TECTA: variants seen among roughly 807,000 people sequenced by gnomAD.
The protein encoded by TECTA is tectorin alpha.
In TECTA, 128 loss-of-function variants were observed where a neutral mutation model predicts 216.8. That is an observed-to-expected ratio of 0.59 (90% CI 0.51 to 0.68). The LOEUF (loss-of-function observed/expected upper bound fraction) is 0.68. Among genes scored for constraint, TECTA ranks in the 30% least tolerant of loss-of-function variants. The probability of loss-of-function intolerance (pLI) is 0.00; values close to 1 mark genes in which losing one functional copy is unlikely to be tolerated. For synonymous variants in TECTA, 1,089 were observed against 1,117.1 expected (o/e 0.97, Z 0.50); for missense variants, 2,551 against 2,786.2 (o/e 0.92, Z 1.90).
chr11:121,118,263 G>T (rs1486499383), intron 6 of TECTA, 43 bp from the exon 7 acceptor site: 1 of 1,611,112 alleles, frequency 6.2e-7, no homozygotes, highest in African/African-American at 1.3e-5. Flanking sequence ...GCACAGAGGG[G>T]AAATGCTCAG....
At chr11:121,152,348 G>C (rs1386403628) in intron 12 of TECTA, among the ~76,000 whole-genome samples, 3 of 152,238 alleles carry the variant, frequency 2.0e-5, no homozygotes, top group South Asian at 4.1e-4. Flanking sequence ...TTAGAAAAAC[G>C]TTCTGTAGAA....
chr11:121,164,266 A>G (rs1009289908), intron 16 of TECTA, among the ~76,000 whole-genome samples: 4 of 152,220 alleles, frequency 2.6e-5, no homozygotes, highest in African/African-American at 9.6e-5. Flanking sequence ...GATGTTCAGT[A>G]GATCTCTTGA....
intron 15 of TECTA, 76 bp from the exon 16 acceptor site, chr11:121,161,999 C>A (rs1190771447): frequency 5.6e-6 from 9 of 1,599,116 alleles, no homozygotes; most frequent in Middle Eastern, 2.2e-4. Context: ...TCAGGGGTAG[C>A]AAAACAGGTA....
At chr11:121,126,829 G>A (rs903161763) in intron 8 of TECTA, among the ~76,000 whole-genome samples, 16 of 152,208 alleles carry the variant, frequency 1.1e-4, no homozygotes, top group African/African-American at 3.4e-4. Context: ...TATGACCAGA[G>A]CATCCATATT....
At chr11:121,157,044 G>A (rs1029230049) in intron 13 of TECTA, among the ~76,000 whole-genome samples, 19 of 152,180 alleles carry the variant, frequency 1.2e-4, no homozygotes, top group African/African-American at 4.3e-4. Context: ...GGTGAGGATT[G>A]TGAAATGTGA....
Position 121,168,934 on chromosome 11 carries a change from C to T in TECTA, c.5999+9C>T, listed in dbSNP as rs1947084040. 4 of 1,613,912 alleles carry T rather than the reference C, an allele frequency of 2.5e-6. No individual in the cohort carries two copies. The East Asian group carries it at 8.9e-5, about 36-fold the overall frequency. ...TTCATCATTGAAGGAGGGTGAGTAG[C>T]CTCTTTATAGACAACATTCTCAGAG... On this transcript the variant is annotated intron_variant, in intron 20 of 23. Coordinates refer to ENST00000392793, the MANE Select transcript of TECTA (RefSeq NM_005422.4).
chr11:121,125,730 T>G lies in TECTA; in HGVS notation c.1632T>G (p.Thr544=). 6.2e-7 allele frequency: 1 copy of G among 1,613,590 alleles called. No homozygotes were observed. The highest frequency in any genetic ancestry group is 1.1e-5 in the South Asian group (1 of 91,088). ...AGTGTGGCACTGTCGTGGACCCCAC[T>G]GCTTTTGTGCACAGCTGCGTGTATG... The part of the protein sequence containing the change: ...LWECGTVVDP[T]AFVHSCVYDL... Residue 544 remains threonine (T), a synonymous_variant, in exon 8 of 24, where the codon ACT becomes ACG. Coordinates refer to ENST00000392793, the MANE Select transcript of TECTA (RefSeq NM_005422.4).
rs1946829996 is a variant in TECTA, at chr11:121,145,827, G to A, written c.3816G>A (p.Lys1272=). Residue 1272 remains lysine, a synonymous_variant, in exon 12 of 24, where the codon AAG becomes AAA. Coordinates refer to ENST00000392793, the MANE Select transcript of TECTA (RefSeq NM_005422.4). ...ATGAGTTTGGGCAGAGCTGGGTGAAGAGGGACACCTTCTGCCAGGTGGGCT... is the reference window on the plus strand; with the variant it reads ...ATGAGTTTGGGCAGAGCTGGGTGAAAAGGGACACCTTCTGCCAGGTGGGCT... ...SVNEFGQSWV[K]RDTFCQVGCG... 1 of 1,614,212 alleles carries A rather than the reference G, an allele frequency of 6.2e-7. No homozygotes were observed. Among genetic ancestry groups the A allele is most frequent in the East Asian group, 2.2e-5 (1 of 44,892 alleles).
At chr11:121,118,996 C>CACACACACACACAAACACACAT (rs1365989990) in intron 7 of TECTA, among the ~76,000 whole-genome samples, 18 of 42,734 alleles carry the variant, frequency 4.2e-4, no homozygotes, top group African/African-American at 1.6e-3. Context: ...CTGATAGGCA[C>CACACACACACACAAACACACAT]ACACACACAC....
chr11:121,163,205 G>A (rs762647620), intron 16 of TECTA, among the ~76,000 whole-genome samples: 2 of 152,114 alleles, frequency 1.3e-5, no homozygotes, highest in Admixed American at 6.5e-5. Context: ...ACCTGATTAA[G>A]TGTAGGAATA....
At chr11:121,175,247 T>A (rs568056924) in intron 20 of TECTA, among the ~76,000 whole-genome samples, 77 of 151,956 alleles carry the variant, frequency 5.1e-4, no homozygotes, top group African/African-American at 1.8e-3. Flanking sequence ...TTTGAATGTG[T>A]TTGCTCTTGC....
intron 6 of TECTA, among the ~76,000 whole-genome samples, chr11:121,116,867 AAGGAGTGCTG>A: frequency 6.6e-6 from 1 of 152,344 alleles, no homozygotes; most frequent in South Asian, 2.1e-4. Context: ...AACTAGTGCC[AAGGAGTGCTG>A]AGGATTAGGA....
At chr11:121,152,359 G>A (rs1379746647) in intron 12 of TECTA, among the ~76,000 whole-genome samples, 1 of 152,250 alleles carries the variant, frequency 6.6e-6, no homozygotes, top group East Asian at 1.9e-4. Flanking sequence ...TTCTGTAGAA[G>A]CTCTGGGGTG....
intron 20 of TECTA, among the ~76,000 whole-genome samples, chr11:121,176,685 G>A (rs1332935069): frequency 6.7e-6 from 1 of 150,074 alleles, no homozygotes; most frequent in Non-Finnish European, 1.5e-5. Context: ...GTATCTTTGT[G>A]GCGTTCTCTG....
chr11:121,121,490 G>A (rs1946558019), intron 7 of TECTA, among the ~76,000 whole-genome samples: 1 of 152,318 alleles, frequency 6.6e-6, no homozygotes, highest in East Asian at 1.9e-4. Flanking sequence ...TTGGGGACAA[G>A]AGTTCTCTGG....
At chr11:121,147,354 G>A (rs1256137523) in intron 12 of TECTA, among the ~76,000 whole-genome samples, 4 of 152,120 alleles carry the variant, frequency 2.6e-5, no homozygotes, top group Non-Finnish European at 5.9e-5. Context: ...CACACAGTCA[G>A]TTTACATTCC....
intron 13 of TECTA, 77 bp downstream of exon 13, chr11:121,153,157 T>G: frequency 6.6e-7 from 1 of 1,522,740 alleles, no homozygotes; most frequent in Non-Finnish European, 8.9e-7. Context: ...TTGGTCAGAT[T>G]GACCAATTTT....
intron 15 of TECTA, among the ~76,000 whole-genome samples, chr11:121,161,787 C>T (rs567300337): frequency 6.6e-6 from 1 of 151,640 alleles, no homozygotes; most frequent in Admixed American, 6.6e-5. Context: ...TCAAAGTGTT[C>T]ATGCTTACTA....
chr11:121,120,862 G>A (rs74945140), intron 7 of TECTA, among the ~76,000 whole-genome samples: 7,523 of 152,320 alleles, frequency 0.049, 253 homozygotes, highest in Non-Finnish European at 0.076. Flanking sequence ...ATGGCGATGA[G>A]CAGCTTGGAC....
Sources: gnomAD v4.1 joint callset for allele counts (sites outside exome capture counted in the v4.1 genomes callset) on GRCh38, gnomAD v4.1.1 for gene constraint, MANE v1.5 for transcripts, NCBI Gene and HGNC (gene_info 2026-07-23, HGNC 2026-07-21) for gene names.